RORA: variants seen among roughly 807,000 people sequenced by gnomAD.
RORA encodes RAR related orphan receptor A, also known as nuclear receptor ROR-alpha.
RORA carries 7 observed loss-of-function variants against 69.5 expected under a neutral mutation model. That is an observed-to-expected ratio of 0.10 (90% confidence interval 0.06 to 0.19). RORA has a LOEUF of 0.19. Among genes scored for constraint, RORA ranks in the 10% least tolerant of loss-of-function variants. The probability of loss-of-function intolerance (pLI) is 1.00; values close to 1 mark genes in which losing one functional copy is unlikely to be tolerated. For synonymous variants in RORA, 261 were observed against 240.8 expected, an observed-to-expected ratio of 1.08 and a Z score of -0.78; for missense variants, 457 against 663.0, an observed-to-expected ratio of 0.69 and a Z score of 3.41.
intron 1 of RORA, among the ~76,000 whole-genome samples, chr15:60,940,591 G>A (rs1188133490): frequency 6.6e-6 from 1 of 152,164 alleles, no homozygotes; most frequent in Non-Finnish European, 1.5e-5. Context: ...GGTTATGGTT[G>A]TAAACAATAA....
chr15:61,212,969 C>T (rs1001323408), intron 1 of RORA, among the ~76,000 whole-genome samples: 6 of 152,150 alleles, frequency 3.9e-5, no homozygotes, highest in African/African-American at 1.2e-4. Context: ...CAGATACTTG[C>T]TATTGCTATT....
chr15:61,059,929 GAAGAAC>G (rs1282409171), intron 1 of RORA, among the ~76,000 whole-genome samples: 1,550 of 116,866 alleles, frequency 0.013, 27 homozygotes, highest in Non-Finnish European at 0.017. Flanking sequence ...AGAAGAAGAA[GAAGAAC>G]AAGAAGAAGA....
At chr15:61,152,698 A>T (rs976954594) in intron 1 of RORA, among the ~76,000 whole-genome samples, 2 of 152,192 alleles carry the variant, frequency 1.3e-5, no homozygotes, top group African/African-American at 2.4e-5. Context: ...CCTGGAAAGC[A>T]ACTTTTTAGG....
At position 60,713,095 on chromosome 15, in the gene RORA, G is replaced by A. The variant is rs74336888; in HGVS notation, c.167-34409C>T. Among the ~76,000 whole-genome samples the A allele has an allele frequency of 7.0e-3, 1,062 of 152,210 alleles. 35 individuals are homozygous for A. The East Asian group carries it at 0.098, about 14-fold the overall frequency. On this transcript the variant is annotated intron_variant, in intron 1 of 10. Coordinates refer to ENST00000335670, the MANE Select transcript of RORA (RefSeq NM_134261.3). ...GGCCAGGGCTTCCCTGGCAATAAAA[G>A]ATCATACCAAATTGTTCTAAATTAT... is the stretch of plus-strand genomic sequence containing the variant.
chr15:60,917,035 GTA>G (rs943923404), intron 1 of RORA, among the ~76,000 whole-genome samples: 2 of 152,176 alleles, frequency 1.3e-5, no homozygotes, highest in Non-Finnish European at 2.9e-5. Flanking sequence ...CCTTGAAGAA[GTA>G]TCCGGCTTCC....
chr15:60,992,737 A>G (rs1237550265), intron 1 of RORA, among the ~76,000 whole-genome samples: 2 of 152,244 alleles, frequency 1.3e-5, no homozygotes, highest in African/African-American at 4.8e-5. Context: ...AGAAGGATGT[A>G]TATCTGGAAA....
intron 10 of RORA, among the ~76,000 whole-genome samples, chr15:60,498,200 G>C (rs2065221918): frequency 6.6e-6 from 1 of 152,196 alleles, no homozygotes; most frequent in Non-Finnish European, 1.5e-5. Flanking sequence ...GTCAGCAGCA[G>C]ACTCATACAG....
At chr15:61,002,874 G>A (rs56346454) in intron 1 of RORA, among the ~76,000 whole-genome samples, 16,910 of 151,404 alleles carry the variant, frequency 0.11, 963 homozygotes, top group Middle Eastern at 0.14. Context: ...GCTCACGCCT[G>A]TAATCCCAGC....
chr15:60,647,777 G>T (rs2070075447), intron 2 of RORA, among the ~76,000 whole-genome samples: 1 of 152,196 alleles, frequency 6.6e-6, no homozygotes, highest in Non-Finnish European at 1.5e-5. Context: ...GTACACATCA[G>T]AGGATGCCCA....
chr15:61,104,993 G>C (rs1263725474), intron 1 of RORA, among the ~76,000 whole-genome samples: 41 of 140,914 alleles, frequency 2.9e-4, no homozygotes, highest in African/African-American at 8.4e-4. Flanking sequence ...TGATCATGAG[G>C]CGCCCCCCCC....
Position 60,847,266 on chromosome 15 carries a change from A to G in RORA, c.167-168580T>C, listed in dbSNP as rs117923610. 1.5e-3 allele frequency among the ~76,000 whole-genome samples: 226 copies of G among 152,160 alleles called. 1 individual carries two copies. The highest frequency in any genetic ancestry group is 6.8e-3 in the East Asian group (35 of 5,176). On this transcript the variant is annotated intron_variant, in intron 1 of 10. Transcript: ENST00000335670. ...GGTATAAGGGTGAACGCAGAGGTGA[A>G]CTTAGATATCTATGAAATAAACAGA...
chr15:60,617,117 G>A (rs1280278862), intron 2 of RORA, among the ~76,000 whole-genome samples: 2 of 152,220 alleles, frequency 1.3e-5, no homozygotes, highest in Non-Finnish European at 2.9e-5. Flanking sequence ...AGGCAGGGGT[G>A]ATATGATGAT....
intron 1 of RORA, among the ~76,000 whole-genome samples, chr15:60,695,069 G>A (rs1328387363): frequency 6.6e-6 from 1 of 152,062 alleles, no homozygotes; most frequent in East Asian, 1.9e-4. Flanking sequence ...GGGAAACAAC[G>A]GCAGACAAGA....
At chr15:60,851,996 A>G (rs1485087818) in intron 1 of RORA, among the ~76,000 whole-genome samples, 2 of 152,126 alleles carry the variant, frequency 1.3e-5, no homozygotes, top group African/African-American at 4.8e-5. Context: ...CCCACATTGT[A>G]AAGTATTTAC....
At chr15:60,711,196 G>A (rs374773407) in intron 1 of RORA, among the ~76,000 whole-genome samples, 2 of 152,070 alleles carry the variant, frequency 1.3e-5, no homozygotes, top group Non-Finnish European at 2.9e-5. Flanking sequence ...CACAGTCTCC[G>A]TGCCCTCAAG....
intron 1 of RORA, among the ~76,000 whole-genome samples, chr15:61,188,447 C>G (rs1162945275): frequency 6.6e-6 from 1 of 152,142 alleles, no homozygotes; most frequent in Non-Finnish European, 1.5e-5. Context: ...TCTAAGAACC[C>G]AGGTACCAGT....
chr15:60,692,505 G>A (rs902645312), intron 1 of RORA, among the ~76,000 whole-genome samples: 14 of 152,206 alleles, frequency 9.2e-5, no homozygotes, highest in African/African-American at 2.9e-4. Context: ...AAGGAAACAA[G>A]GGAGAATGTG....
rs144582134 is a variant in RORA at position 60,497,574 on chromosome 15, T to C, written c.1453A>G (p.Thr485Ala). The C allele has an allele frequency of 1.9e-5, 31 of 1,612,746 alleles. No homozygotes were observed. The highest frequency in any genetic ancestry group is 2.5e-5 in the Non-Finnish European group (30 of 1,178,842). The stretch of plus-strand genomic sequence containing the variant: ...GCTTTAAATGCCATTAGCTTTTCTG[T>C]ATGTCGTCCACATAAGGCTCTTAAG... ...STLRALCGRH[T>A]EKLMAFKAIY... is the part of the protein sequence containing the mutation. Residue 485 changes from threonine (T) to alanine (A), a missense_variant, in exon 11 of 11, where the codon ACA (threonine) becomes GCA (alanine). This residue lies in a region of RORA where 304 missense variants were observed against 447.4 expected (regional missense o/e 0.68). Coordinates refer to ENST00000335670, the MANE Select transcript of RORA (RefSeq NM_134261.3).
intron 2 of RORA, among the ~76,000 whole-genome samples, chr15:60,596,760 T>G (rs1340082051): frequency 2.6e-5 from 4 of 152,200 alleles, no homozygotes; most frequent in African/African-American, 4.8e-5. Context: ...TTATTCATGA[T>G]TTTAAAATGA....
Sources: gnomAD v4.1 joint callset for allele counts (sites outside exome capture counted in the v4.1 genomes callset) on GRCh38, gnomAD v4.1.1 for gene constraint, gnomAD v4.1.1 regional missense constraint, MANE v1.5 for transcripts, NCBI Gene and HGNC (gene_info 2026-07-23, HGNC 2026-07-21) for gene names.